SPMIP2: variants seen among roughly 807,000 people sequenced by gnomAD.
SPMIP2 encodes protein SPMIP2.
At chr4:158,900,008 A>T in the SPMIP2 span, among the ~76,000 whole-genome samples, 1 of 152,314 alleles carries the variant, frequency 6.6e-6, no homozygotes, top group East Asian at 1.9e-4. Context: ...CCCTCTAAAC[A>T]CTGCTTTAAA....
chr4:159,081,227 C>T, the SPMIP2 span, among the ~76,000 whole-genome samples: 1 of 151,868 alleles, frequency 6.6e-6, no homozygotes, highest in Non-Finnish European at 1.5e-5. Context: ...TTAGTAGAGA[C>T]GAGGTTTTGC....
the SPMIP2 span, among the ~76,000 whole-genome samples, chr4:158,977,637 C>T: frequency 1.8e-4 from 14 of 76,768 alleles, no homozygotes; most frequent in Non-Finnish European, 3.0e-4. Flanking sequence ...CTCTTTGAGA[C>T]GGAGTCTCGC....
the SPMIP2 span, among the ~76,000 whole-genome samples, chr4:159,058,199 TC>T: frequency 1.3e-5 from 2 of 151,624 alleles, no homozygotes; most frequent in African/African-American, 4.8e-5. Context: ...TTTTTTTTTT[TC>T]TTTAAAATTC....
chr4:158,998,821 G>A, the SPMIP2 span, among the ~76,000 whole-genome samples: 1 of 152,094 alleles, frequency 6.6e-6, no homozygotes, highest in Non-Finnish European at 1.5e-5. Flanking sequence ...ACACTGGACT[G>A]GGTGGAAATA....
At chr4:159,078,652 TG>T in the SPMIP2 span, among the ~76,000 whole-genome samples, 1 of 151,976 alleles carries the variant, frequency 6.6e-6, no homozygotes, top group South Asian at 2.1e-4. Flanking sequence ...ACTGCATGGG[TG>T]GATTGTAAGG....
At chr4:158,918,661 A>G in the SPMIP2 span, among the ~76,000 whole-genome samples, 1 of 152,208 alleles carries the variant, frequency 6.6e-6, no homozygotes, top group East Asian at 1.9e-4. Flanking sequence ...ACCAGAAGCA[A>G]TAGAAAGTTA....
chr4:159,025,682 C>G, the SPMIP2 span, among the ~76,000 whole-genome samples: 1 of 152,106 alleles, frequency 6.6e-6, no homozygotes, highest in South Asian at 2.1e-4. Flanking sequence ...CAATCTCCCC[C>G]AGATAATCAA....
At chr4:158,905,263 C>T in the SPMIP2 span, 1 of 152,266 alleles carries the variant, frequency 6.6e-6, no homozygotes, top group East Asian at 1.9e-4. Context: ...AATGTAGCCT[C>T]TTAATCCCAT....
At chr4:159,045,825 G>A in the SPMIP2 span, among the ~76,000 whole-genome samples, 1 of 152,200 alleles carries the variant, frequency 6.6e-6, no homozygotes, top group Non-Finnish European at 1.5e-5. Flanking sequence ...GTCAGTTGGG[G>A]CTGAGGTTTT....
the SPMIP2 span, among the ~76,000 whole-genome samples, chr4:159,036,181 C>A: frequency 6.6e-6 from 1 of 152,176 alleles, no homozygotes. Flanking sequence ...AATGTAATAT[C>A]TTTTATATTT....
At chr4:159,031,367 T>C in the SPMIP2 span, among the ~76,000 whole-genome samples, 1 of 152,148 alleles carries the variant, frequency 6.6e-6, no homozygotes, top group Non-Finnish European at 1.5e-5. Context: ...TTAAATGATA[T>C]GAGAAGGAAG....
the SPMIP2 span, among the ~76,000 whole-genome samples, chr4:159,069,148 CA>C: frequency 1.1e-4 from 16 of 152,120 alleles, no homozygotes; most frequent in African/African-American, 3.9e-4. Flanking sequence ...ACTAAAAATA[CA>C]AAAATTAGCC....
At chr4:158,897,724 G>C in the SPMIP2 span, among the ~76,000 whole-genome samples, 4 of 152,118 alleles carry the variant, frequency 2.6e-5, no homozygotes, top group African/African-American at 9.7e-5. Flanking sequence ...GTTCTTTGTA[G>C]ATTCTGGATA....
At chr4:159,016,153 G>C in the SPMIP2 span, among the ~76,000 whole-genome samples, 4 of 152,110 alleles carry the variant, frequency 2.6e-5, no homozygotes, top group South Asian at 2.1e-4. Context: ...TGAAACACGG[G>C]GATGGGAATC....
the SPMIP2 span, among the ~76,000 whole-genome samples, chr4:159,022,983 T>A: frequency 8.6e-5 from 13 of 151,664 alleles, no homozygotes; most frequent in Admixed American, 3.3e-4. Flanking sequence ...TGAGCCGAGA[T>A]CATGCCACAA....
At chr4:159,064,002 T>C in the SPMIP2 span, among the ~76,000 whole-genome samples, 5 of 152,290 alleles carry the variant, frequency 3.3e-5, no homozygotes, top group East Asian at 9.6e-4. Flanking sequence ...AAAAACAATT[T>C]ATTAGTAGCT....
the SPMIP2 span, chr4:158,915,472 A>T: frequency 8.2e-6 from 8 of 980,190 alleles, no homozygotes; most frequent in Non-Finnish European, 1.0e-5. Flanking sequence ...GATTCTAGCC[A>T]TGTGGCTTAG....
chr4:159,059,631 C>A, the SPMIP2 span, among the ~76,000 whole-genome samples: 1 of 152,178 alleles, frequency 6.6e-6, no homozygotes, highest in African/African-American at 2.4e-5. Context: ...CCTCAGCCTC[C>A]CAAAGTGCTA....
chr4:158,926,132 T>C, the SPMIP2 span, among the ~76,000 whole-genome samples: 118 of 152,358 alleles, frequency 7.7e-4, no homozygotes, highest in African/African-American at 2.6e-3. Flanking sequence ...TTGTCAATTA[T>C]ATCATTTAAG....
Sources: gnomAD v4.1 joint callset for allele counts (sites outside exome capture counted in the v4.1 genomes callset) on GRCh38, gnomAD v4.1.1 for gene constraint, MANE v1.5 for transcripts, NCBI Gene and HGNC (gene_info 2026-07-23, HGNC 2026-07-21) for gene names.